Variants in PLPP4 observed in about 807,000 individuals in gnomAD.
The protein encoded by PLPP4 is phospholipid phosphatase 4.
In PLPP4, 20 loss-of-function variants were observed where a neutral mutation model predicts 32.2. The ratio of observed to expected loss-of-function variants is 0.62; its 90% CI spans 0.44 to 0.90. The LOEUF is 0.90. Among genes scored for constraint, PLPP4 ranks in the 40% least tolerant of loss-of-function variants. The probability of loss-of-function intolerance (pLI) is 0.00; values close to 1 mark genes in which losing one functional copy is unlikely to be tolerated. For synonymous variants in PLPP4, 127 were observed against 133.0 expected (o/e 0.95, Z 0.31); for missense variants, 257 against 353.1 (o/e 0.73, Z 2.18).
At chr10:120,461,913 A>T (rs1182588089) in intron 1 of PLPP4, among the ~76,000 whole-genome samples, 2 of 152,210 alleles carry the variant, frequency 1.3e-5, no homozygotes, top group Non-Finnish European at 2.9e-5. Flanking sequence ...TTGGTGCTTT[A>T]CCTGGTCCAG....
chr10:120,522,492 G>C (rs1846197328), intron 5 of PLPP4, among the ~76,000 whole-genome samples: 1 of 152,224 alleles, frequency 6.6e-6, no homozygotes, highest in Non-Finnish European at 1.5e-5. Flanking sequence ...AGGAATAGCT[G>C]TAGGTACCAG....
At chr10:120,560,061 C>T (rs1335206583) in intron 5 of PLPP4, among the ~76,000 whole-genome samples, 1 of 152,302 alleles carries the variant, frequency 6.6e-6, no homozygotes, top group African/African-American at 2.4e-5. Context: ...CGTGTCTCCA[C>T]GAAATTGGCG....
chr10:120,578,580 A>G (rs1371150741), intron 6 of PLPP4, among the ~76,000 whole-genome samples: 3 of 152,244 alleles, frequency 2.0e-5, no homozygotes, highest in Non-Finnish European at 4.4e-5. Flanking sequence ...TAAATAGTCT[A>G]TAATCTCTAA....
chr10:120,543,857 A>G (rs1404972230), intron 5 of PLPP4, among the ~76,000 whole-genome samples: 1 of 152,214 alleles, frequency 6.6e-6, no homozygotes, highest in Non-Finnish European at 1.5e-5. Flanking sequence ...AAATGGAATC[A>G]TACCGTATTC....
intron 1 of PLPP4, among the ~76,000 whole-genome samples, chr10:120,491,370 T>C (rs1844714271): frequency 6.6e-6 from 1 of 152,220 alleles, no homozygotes; most frequent in Non-Finnish European, 1.5e-5. Flanking sequence ...AGAGGGCTCC[T>C]CAGTGCCCCA....
chr10:120,469,736 A>G (rs1848436123), intron 1 of PLPP4, among the ~76,000 whole-genome samples: 1 of 152,174 alleles, frequency 6.6e-6, no homozygotes, highest in African/African-American at 2.4e-5. Context: ...TTTTATACAC[A>G]TTTGTATATA....
chr10:120,564,543 ATT>A, intron 5 of PLPP4, among the ~76,000 whole-genome samples: 2 of 151,868 alleles, frequency 1.3e-5, no homozygotes, highest in African/African-American at 4.8e-5. Flanking sequence ...TTTATTCTTA[ATT>A]TGTCAATAGC....
intron 6 of PLPP4, among the ~76,000 whole-genome samples, chr10:120,577,927 G>A (rs1051363257): frequency 3.3e-5 from 5 of 152,290 alleles, no homozygotes; most frequent in East Asian, 1.9e-4. Context: ...GGGACATTTA[G>A]CAATGTCTCT....
intron 1 of PLPP4, among the ~76,000 whole-genome samples, chr10:120,461,534 G>T (rs1161033173): frequency 6.6e-6 from 1 of 152,124 alleles, no homozygotes; most frequent in Non-Finnish European, 1.5e-5. Context: ...GGTCCCCCTA[G>T]GAGCTGCTTA....
intron 5 of PLPP4, among the ~76,000 whole-genome samples, chr10:120,521,813 C>A (rs1846168820): frequency 1.3e-5 from 2 of 152,232 alleles, no homozygotes; most frequent in African/African-American, 4.8e-5. Context: ...TCTGGAGCAG[C>A]AGCTATGCCA....
At chr10:120,526,273 A>T (rs915711455) in intron 5 of PLPP4, among the ~76,000 whole-genome samples, 7 of 151,800 alleles carry the variant, frequency 4.6e-5, no homozygotes, top group Non-Finnish European at 1.0e-4. Flanking sequence ...TGCCGGTTTC[A>T]TGTGTGCCCT....
intron 1 of PLPP4, among the ~76,000 whole-genome samples, chr10:120,476,790 T>A (rs1238508024): frequency 1.3e-5 from 2 of 152,174 alleles, no homozygotes; most frequent in African/African-American, 2.4e-5. Flanking sequence ...TGGATGGGGT[T>A]CTCAGGGCAC....
intron 6 of PLPP4, chr10:120,580,978 C>G (rs1270322557): frequency 7.8e-7 from 1 of 1,289,300 alleles, no homozygotes; most frequent in Admixed American, 2.3e-5. Context: ...AACCTCTGAA[C>G]CTTGACTGCC....
intron 6 of PLPP4, among the ~76,000 whole-genome samples, chr10:120,585,226 A>G (rs1037144826): frequency 6.6e-6 from 1 of 152,268 alleles, no homozygotes; most frequent in Non-Finnish European, 1.5e-5. Flanking sequence ...GCTGGTGGCC[A>G]TAAGCTAGTG....
In PLPP4 at chr10:120,566,850, T is replaced by C. The variant is rs112452100; in HGVS notation, c.446-8281T>C. Among the ~76,000 whole-genome samples the C allele has an allele frequency of 4.8e-3, 734 of 152,334 alleles. 5 individuals carry two copies. The highest frequency in any genetic ancestry group is 0.017 in the African/African-American group (704 of 41,584). ...GATTACAGGCGTGAGCCACGGCACC[T>C]GGCCTTTTCCTACTTAAGCAGGTTA... is the stretch of plus-strand genomic sequence containing the variant. On this transcript the variant is annotated intron_variant, in intron 5 of 6. Transcript: ENST00000398250.
At chr10:120,479,299 C>T (rs999413495) in intron 1 of PLPP4, among the ~76,000 whole-genome samples, 7 of 152,108 alleles carry the variant, frequency 4.6e-5, no homozygotes, top group African/African-American at 1.7e-4. Flanking sequence ...TTTGCCAAAT[C>T]GTCCTCCAGA....
At chr10:120,562,845 C>T (rs1285938100) in intron 5 of PLPP4, among the ~76,000 whole-genome samples, 1 of 152,014 alleles carries the variant, frequency 6.6e-6, no homozygotes, top group African/African-American at 2.4e-5. Flanking sequence ...TTTCTTGTAC[C>T]ATACCTGTAT....
intron 5 of PLPP4, among the ~76,000 whole-genome samples, chr10:120,543,169 C>G (rs940200513): frequency 2.6e-5 from 4 of 152,210 alleles, no homozygotes; most frequent in Non-Finnish European, 5.9e-5. Context: ...TGAGTAACAT[C>G]ACAGGGGATA....
intron 1 of PLPP4, among the ~76,000 whole-genome samples, chr10:120,493,534 C>T (rs371151199): frequency 3.9e-5 from 6 of 152,140 alleles, no homozygotes; most frequent in African/African-American, 7.2e-5. Context: ...TTGCTTTACC[C>T]GCACGGCCTG....
Sources: gnomAD v4.1 joint callset for allele counts (sites outside exome capture counted in the v4.1 genomes callset) on GRCh38, gnomAD v4.1.1 for gene constraint, MANE v1.5 for transcripts, NCBI Gene and HGNC (gene_info 2026-07-23, HGNC 2026-07-21) for gene names.